Variants in WNT7A observed in about 807,000 individuals in gnomAD.
WNT7A encodes the protein protein Wnt-7a.
Under a neutral mutation model 28.2 loss-of-function variants are expected in WNT7A, and 16 were observed. The ratio of observed to expected loss-of-function variants is 0.57; its 90% CI spans 0.38 to 0.86. The LOEUF (loss-of-function observed/expected upper bound fraction) is 0.86, where lower values mean the gene tolerates loss of function less well. Among genes scored for constraint, WNT7A ranks in the 40% least tolerant of loss-of-function variants. The pLI, the probability that WNT7A is intolerant of heterozygous loss-of-function variation, is 0.00. For missense variants in WNT7A, 411 were observed against 489.7 expected, an observed-to-expected ratio of 0.84 and a Z score of 1.52; for synonymous variants, 190 against 195.9, an observed-to-expected ratio of 0.97 and a Z score of 0.25.
At chr3:13,833,405 C>T (rs1280867433) in intron 3 of WNT7A, among the ~76,000 whole-genome samples, 1 of 152,214 alleles carries the variant, frequency 6.6e-6, no homozygotes, top group Non-Finnish European at 1.5e-5. Flanking sequence ...GAAGGGAGCC[C>T]ATATGGTGGT....
At chr3:13,854,496 G>T (rs200791673) in intron 3 of WNT7A, 36 bp downstream of exon 3, 1 of 1,613,406 alleles carries the variant, frequency 6.2e-7, no homozygotes, top group Non-Finnish European at 8.5e-7. Flanking sequence ...CAGCATCTCC[G>T]CGAGCGCCGC....
intron 2 of WNT7A, among the ~76,000 whole-genome samples, chr3:13,857,676 C>T (rs1173025245): frequency 1.3e-5 from 2 of 152,032 alleles, no homozygotes; most frequent in African/African-American, 4.8e-5. Context: ...TCTCCAACCC[C>T]AGGCACCAGC....
chr3:13,827,230 G>A (rs1449661886), intron 3 of WNT7A, among the ~76,000 whole-genome samples: 1 of 152,198 alleles, frequency 6.6e-6, no homozygotes, highest in Non-Finnish European at 1.5e-5. Flanking sequence ...GGTTGCTGGT[G>A]AGGTAATGAG....
chr3:13,859,207 C>T (rs1575070636), intron 2 of WNT7A, among the ~76,000 whole-genome samples: 1 of 152,230 alleles, frequency 6.6e-6, no homozygotes, highest in East Asian at 1.9e-4. Context: ...GTTTGTCTGC[C>T]CAGGCAAATT....
In WNT7A at chr3:13,816,663, T is replaced by C. The variant is rs1694007351; in HGVS notation, c.*2281A>G. Reference sequence around the variant, plus strand: ...CCAAGAAACTGCTCACTTACCTATCTGTAGGTGTACCTACCTCATCAACCC... The same window carrying C: ...CCAAGAAACTGCTCACTTACCTATCCGTAGGTGTACCTACCTCATCAACCC... On this transcript the variant is annotated 3_prime_UTR_variant, in exon 4 of 4. Coordinates refer to ENST00000285018, the MANE Select transcript of WNT7A (RefSeq NM_004625.4). The C allele has an allele frequency of 6.6e-6, 1 of 152,314 alleles. No individual in the cohort carries two copies. 9.4% of individuals were successfully genotyped at this position (152,314 alleles called of 1,614,324 possible). A position where few individuals can be genotyped will look rare whatever the true frequency, so the allele number is the denominator to read the frequency against.
chr3:13,876,070 G>C (rs1695105727), intron 1 of WNT7A: 1 of 152,462 alleles, frequency 6.6e-6, no homozygotes, highest in South Asian at 2.1e-4. Flanking sequence ...GGGTGTGGGG[G>C]TGGTGAGGAA....
chr3:13,838,459 C>A (rs936495117), intron 3 of WNT7A, among the ~76,000 whole-genome samples: 1 of 152,222 alleles, frequency 6.6e-6, no homozygotes, highest in African/African-American at 2.4e-5. Flanking sequence ...GCTCTGCCAC[C>A]TGTTGGCTGG....
intron 2 of WNT7A, among the ~76,000 whole-genome samples, chr3:13,870,535 C>T (rs1202678886): frequency 2.0e-5 from 3 of 152,190 alleles, no homozygotes; most frequent in Non-Finnish European, 4.4e-5. Context: ...AGTTCCTCTC[C>T]CCTGAGAGAT....
intron 3 of WNT7A, among the ~76,000 whole-genome samples, chr3:13,843,572 C>T (rs1694494924): frequency 6.6e-6 from 1 of 152,064 alleles, no homozygotes; most frequent in Non-Finnish European, 1.5e-5. Context: ...CAGCAGAGAA[C>T]ACCTCCGGGG....
At chr3:13,853,164 C>T (rs1694666746) in intron 3 of WNT7A, among the ~76,000 whole-genome samples, 1 of 152,192 alleles carries the variant, frequency 6.6e-6, no homozygotes, top group Admixed American at 6.5e-5. Context: ...TTGTAGAGTG[C>T]CTACTGTGTG....
chr3:13,845,589 T>C lies in WNT7A; in HGVS notation c.570+8943A>G, dbSNP rs542336895. On this transcript the variant is annotated intron_variant, in intron 3 of 3. Coordinates refer to ENST00000285018, the MANE Select transcript of WNT7A (RefSeq NM_004625.4). ...TGAGGCACAGAGAGGCAGAGTAACA[T>C]GGCCAAGGCCACACAGCTAGCAAGC... Among the ~76,000 whole-genome samples the C allele has an allele frequency of 1.4e-4, 21 of 152,318 alleles. No individual in the cohort carries two copies. In the South Asian group the frequency reaches 4.3e-3, roughly 32 times the overall value.
chr3:13,852,952 G>A (rs775020735), intron 3 of WNT7A, among the ~76,000 whole-genome samples: 1 of 152,178 alleles, frequency 6.6e-6, no homozygotes, highest in Non-Finnish European at 1.5e-5. Context: ...GCAGGAGGAT[G>A]TATGGCCCTC....
At chr3:13,876,109 A>T (rs1695106175) in intron 1 of WNT7A, among the ~76,000 whole-genome samples, 1 of 152,238 alleles carries the variant, frequency 6.6e-6, no homozygotes. Flanking sequence ...TGAGGTGATC[A>T]AGAGGACTTC....
chr3:13,849,187 C>T (rs1186934402), intron 3 of WNT7A, among the ~76,000 whole-genome samples: 9 of 152,178 alleles, frequency 5.9e-5, no homozygotes, highest in Non-Finnish European at 1.0e-4. Context: ...TTGTGACCCT[C>T]GTCCTATAGT....
chr3:13,837,257 C>T (rs1302038124), intron 3 of WNT7A, among the ~76,000 whole-genome samples: 7 of 152,166 alleles, frequency 4.6e-5, no homozygotes. Flanking sequence ...GCAGCTGATC[C>T]TTCTGCCTGT....
intron 2 of WNT7A, among the ~76,000 whole-genome samples, chr3:13,857,377 A>G (rs1694762739): frequency 6.6e-6 from 1 of 152,140 alleles, no homozygotes; most frequent in Non-Finnish European, 1.5e-5. Flanking sequence ...AGCCTCATGG[A>G]TAGATCCTCG....
At chr3:13,856,336 G>A (rs1420415803) in intron 2 of WNT7A, among the ~76,000 whole-genome samples, 1 of 152,266 alleles carries the variant, frequency 6.6e-6, no homozygotes, top group East Asian at 1.9e-4. Context: ...GAAGGTACAG[G>A]AGAAGGGGGC....
intron 3 of WNT7A, among the ~76,000 whole-genome samples, chr3:13,842,432 G>A (rs1694475947): frequency 6.6e-6 from 1 of 152,120 alleles, no homozygotes; most frequent in Non-Finnish European, 1.5e-5. Flanking sequence ...TAGGACCCTG[G>A]GGCAAGGGGA....
intron 3 of WNT7A, among the ~76,000 whole-genome samples, chr3:13,847,415 C>A (rs1208242684): frequency 6.6e-6 from 1 of 152,226 alleles, no homozygotes; most frequent in Non-Finnish European, 1.5e-5. Flanking sequence ...TGTTTCTCCA[C>A]TCCCTTGGTG....
Sources: allele counts gnomAD v4.1 joint callset (sites outside exome capture counted in the v4.1 genomes callset), GRCh38; gene constraint gnomAD v4.1.1; transcripts MANE v1.5; gene names NCBI Gene and HGNC (gene_info 2026-07-23, HGNC 2026-07-21).